The following SRSF4 variants were observed in gnomAD, a reference collection of about 807,000 sequenced individuals.
The protein encoded by SRSF4 is serine/arginine-rich splicing factor 4.
Under a neutral mutation model 48.8 loss-of-function variants are expected in SRSF4, and 12 were observed. The observed-to-expected ratio is 0.25, with a 90% CI of 0.16 to 0.40. The LOEUF is 0.40. Among genes scored for constraint, SRSF4 ranks in the 10% least tolerant of loss-of-function variants. The pLI is 1.00. For missense variants in SRSF4, 466 were observed against 667.1 expected, an observed-to-expected ratio of 0.70 and a Z score of 3.32; for synonymous variants, 248 against 232.5, an observed-to-expected ratio of 1.07 and a Z score of -0.61.
At position 29,148,613 on chromosome 1, in the gene SRSF4, G is replaced by C. The variant is rs753065797; in HGVS notation, c.1282C>G (p.Arg428Gly). ...GTGCCAGCATTCTCACTCTCTCCTC[G>C]ACCTTCCCTCTGGCTGGATTCAGAC... ...AKSESSQREG[R>G]GESENAGTNQ... The change falls in exon 6 of 6, where the codon CGA becomes GGA. Residue 428 changes from arginine (R) to glycine (G), a missense_variant. Arg to Gly is a moderately radical substitution (Grantham distance 125). This residue lies in a region of SRSF4 where 402 missense variants were observed against 437.0 expected (regional missense o/e 0.92). Transcript: ENST00000373795. 30 of 1,613,952 alleles carry C rather than the reference G, an allele frequency of 1.9e-5. No homozygotes were observed. Among genetic ancestry groups the C allele is most frequent in the Non-Finnish European group, 2.4e-5 (28 of 1,179,952 alleles).
At chr1:29,162,747 A>G (rs1672617987) in intron 1 of SRSF4, among the ~76,000 whole-genome samples, 1 of 152,242 alleles carries the variant, frequency 6.6e-6, no homozygotes, top group South Asian at 2.1e-4. Flanking sequence ...TGATCTTAGA[A>G]GGACATCACC....
chr1:29,179,255 T>C (rs956726047), intron 1 of SRSF4, among the ~76,000 whole-genome samples: 2 of 152,242 alleles, frequency 1.3e-5, no homozygotes, highest in Non-Finnish European at 2.9e-5. Flanking sequence ...TGCTAGATTG[T>C]TTATTATTTT....
chr1:29,165,805 C>T (rs1672663127), intron 1 of SRSF4: 2 of 152,302 alleles, frequency 1.3e-5, no homozygotes, highest in African/African-American at 4.8e-5. Context: ...CGTGGTCACC[C>T]ACCAACACTG....
At chr1:29,158,069 G>C (rs1672528377) in intron 3 of SRSF4, among the ~76,000 whole-genome samples, 1 of 152,002 alleles carries the variant, frequency 6.6e-6, no homozygotes. Flanking sequence ...TTACTCAGAG[G>C]GCTGAGGCAG....
At chr1:29,151,907 C>T (rs2503005) in intron 4 of SRSF4, among the ~76,000 whole-genome samples, 104,019 of 152,108 alleles carry the variant, frequency 0.68, 37,109 homozygotes, top group Non-Finnish European at 0.8. Flanking sequence ...CTGTTAAAGC[C>T]AGAGGAGGGT....
intron 1 of SRSF4, chr1:29,172,572 G>C (rs1202713322): frequency 6.6e-6 from 1 of 152,224 alleles, no homozygotes; most frequent in Non-Finnish European, 1.5e-5. Context: ...AATTACAGAC[G>C]TGAGCCACCA....
chr1:29,153,294 T>C (rs1254494241), intron 4 of SRSF4, among the ~76,000 whole-genome samples: 4 of 150,838 alleles, frequency 2.7e-5, no homozygotes, highest in Non-Finnish European at 3.0e-5. Context: ...TGTGCCATCA[T>C]GCCTGGCTAA....
At chr1:29,175,789 AAG>A (rs1298043155) in intron 1 of SRSF4, among the ~76,000 whole-genome samples, 1 of 152,002 alleles carries the variant, frequency 6.6e-6, no homozygotes, top group African/African-American at 2.4e-5. Context: ...ACTATACATA[AAG>A]AGAGTTATTC....
intron 1 of SRSF4, chr1:29,172,877 A>G (rs995123758): frequency 6.6e-6 from 1 of 152,172 alleles, no homozygotes; most frequent in Admixed American, 6.6e-5. Flanking sequence ...AAAAAGGTAG[A>G]CAATATAAGA....
chr1:29,148,174 T>A lies in SRSF4; in HGVS notation c.*236A>T, dbSNP rs1440991718. ...AGCCAAGGCGTTTTGGATATTCTACTGTGGGCCATGAGTAAAAGGGGATTT... is the reference window on the plus strand; with the variant it reads ...AGCCAAGGCGTTTTGGATATTCTACAGTGGGCCATGAGTAAAAGGGGATTT... On this transcript the variant is annotated 3_prime_UTR_variant, in exon 6 of 6. Transcript: ENST00000373795. 1 of 672,608 alleles carries A rather than the reference T, an allele frequency of 1.5e-6. No homozygotes were observed. Among genetic ancestry groups the A allele is most frequent in the South Asian group, 1.5e-5 (1 of 66,612 alleles). 41.7% of individuals were successfully genotyped at this position (672,608 alleles called of 1,614,324 possible). A position where few individuals can be genotyped will look rare whatever the true frequency, so the allele number is the denominator to read the frequency against.
At chr1:29,150,644 T>C (rs1302806469) in intron 4 of SRSF4, among the ~76,000 whole-genome samples, 1 of 152,170 alleles carries the variant, frequency 6.6e-6, no homozygotes, top group Non-Finnish European at 1.5e-5. Flanking sequence ...TGAAGTCACC[T>C]GCAAACCTTC....
intron 4 of SRSF4, among the ~76,000 whole-genome samples, chr1:29,151,385 T>C (rs1193952430): frequency 1.3e-5 from 2 of 152,076 alleles, no homozygotes; most frequent in African/African-American, 4.8e-5. Context: ...TAATCCTAGC[T>C]ACTTGGGAGG....
Position 29,154,926 on chromosome 1 carries a change from AGT to A in SRSF4, c.364-18_364-17del, listed in dbSNP as rs748537799. On this transcript the variant is annotated splice_polypyrimidine_tract_variant and intron_variant, in intron 3 of 5. Coordinates refer to ENST00000373795, the MANE Select transcript of SRSF4 (RefSeq NM_005626.5). ...GCATATAATCCTGAAGAAAAAAAAAAGTGTGACTACATTAGGATATGTTTTGC... is the reference window on the plus strand; with the variant it reads ...GCATATAATCCTGAAGAAAAAAAAAAGTGACTACATTAGGATATGTTTTGC... The A allele has an allele frequency of 6.2e-7, 1 of 1,602,196 alleles. No individual in the cohort carries two copies. The highest frequency in any genetic ancestry group is 8.5e-7 in the Non-Finnish European group (1 of 1,174,876).
intron 1 of SRSF4, chr1:29,173,476 T>C (rs1285742400): frequency 3.6e-4 from 50 of 137,404 alleles, no homozygotes; most frequent in African/African-American, 1.2e-3. Context: ...CTTTTTTTTT[T>C]TTTTTTTTGA....
chr1:29,148,849 T>C lies in SRSF4; in HGVS notation c.1046A>G (p.Lys349Arg). Residue 349 changes from lysine to arginine, a missense_variant, in exon 6 of 6, where the codon AAG becomes AGG. Around this residue, in one of 2 missense-constraint regions of SRSF4, gnomAD observed 402 missense variants for 437.0 expected, o/e 0.92. Coordinates refer to ENST00000373795, the MANE Select transcript of SRSF4 (RefSeq NM_005626.5). ...CCTGCCCTTCCTCTTGTCCTTGCTCTTGCTGCGGCTCCTGCTCCGGCTCCT... is the reference window on the plus strand; with the variant it reads ...CCTGCCCTTCCTCTTGTCCTTGCTCCTGCTGCGGCTCCTGCTCCGGCTCCT... The part of the protein sequence containing the change: ...GSRSRSRSRS[K>R]SKDKRKGRKR... 5.0e-6 allele frequency: 8 copies of C among 1,609,944 alleles called. No homozygotes were observed. Among genetic ancestry groups the C allele is most frequent in the Non-Finnish European group, 6.8e-6 (8 of 1,177,790 alleles).
intron 1 of SRSF4, among the ~76,000 whole-genome samples, chr1:29,176,113 G>A (rs545653572): frequency 5.3e-5 from 8 of 152,096 alleles, no homozygotes; most frequent in Non-Finnish European, 7.4e-5. Context: ...TTAGCCGGGC[G>A]TGGTGGCACG....
intron 3 of SRSF4, among the ~76,000 whole-genome samples, chr1:29,155,207 G>T (rs1289618413): frequency 6.6e-6 from 1 of 152,100 alleles, no homozygotes. Flanking sequence ...GAGGCGGGAG[G>T]ATTGCTTGAT....
chr1:29,164,600 CTCTAAT>C (rs1045360970), intron 1 of SRSF4, among the ~76,000 whole-genome samples: 18 of 152,182 alleles, frequency 1.2e-4, no homozygotes, highest in South Asian at 8.3e-4. Context: ...AGATAAATTT[CTCTAAT>C]TCTAACAGCA....
In SRSF4 at chr1:29,160,520, A is replaced by G; in HGVS notation, c.108-3T>C. 1 of 1,598,830 alleles carries G rather than the reference A, an allele frequency of 6.3e-7. No individual in the cohort carries two copies. The highest frequency in any genetic ancestry group is 1.8e-5 in the Admixed American group (1 of 56,224). On this transcript the variant is annotated splice_region_variant and splice_polypyrimidine_tract_variant and intron_variant, in intron 1 of 5. Coordinates refer to ENST00000373795, the MANE Select transcript of SRSF4 (RefSeq NM_005626.5). ...CATCAAACTCCACAAAACCATATCT[A>G]GAAGAGAGCAAAGAAAATACTGGTT... is the stretch of plus-strand genomic sequence containing the variant.
Sources: gnomAD v4.1 joint callset for allele counts (sites outside exome capture counted in the v4.1 genomes callset) on GRCh38, gnomAD v4.1.1 for gene constraint, gnomAD v4.1.1 regional missense constraint, MANE v1.5 for transcripts, NCBI Gene and HGNC (gene_info 2026-07-23, HGNC 2026-07-21) for gene names.